CUX2: variants seen among roughly 807,000 people sequenced by gnomAD.
CUX2 encodes cut like homeobox 2.
A neutral mutation model predicts 144.8 loss-of-function variants in CUX2; 40 were observed. The ratio of observed to expected loss-of-function variants is 0.28; its 90% CI spans 0.21 to 0.36. The LOEUF (loss-of-function observed/expected upper bound fraction) is 0.36, where lower values mean the gene tolerates loss of function less well. Ranked by LOEUF, CUX2 falls within the 10% of genes least tolerant of loss-of-function variation. The probability of loss-of-function intolerance (pLI) is 1.00; values close to 1 mark genes in which losing one functional copy is unlikely to be tolerated. For missense variants in CUX2, 1,615 were observed against 1,994.0 expected, an observed-to-expected ratio of 0.81 and a Z score of 3.62; for synonymous variants, 827 against 875.6, an observed-to-expected ratio of 0.94 and a Z score of 0.98.
intron 1 of CUX2, among the ~76,000 whole-genome samples, chr12:111,087,475 A>G (rs1566209910): frequency 6.6e-6 from 1 of 152,134 alleles, no homozygotes. Flanking sequence ...ATCTTGATGC[A>G]ATGCATGTTT....
At chr12:111,210,208 A>T (rs1881139222) in intron 1 of CUX2, among the ~76,000 whole-genome samples, 1 of 152,210 alleles carries the variant, frequency 6.6e-6, no homozygotes, top group African/African-American at 2.4e-5. Flanking sequence ...ATTCCTTCAA[A>T]ATAGATATAG....
intron 1 of CUX2, among the ~76,000 whole-genome samples, chr12:111,159,397 G>GC (rs1877610789): frequency 6.6e-6 from 1 of 150,954 alleles, no homozygotes; most frequent in Non-Finnish European, 1.5e-5. Context: ...CAATGCTCCT[G>GC]CCTTGGCCTC....
intron 1 of CUX2, among the ~76,000 whole-genome samples, chr12:111,106,822 A>G (rs1182644093): frequency 6.6e-6 from 1 of 152,224 alleles, no homozygotes; most frequent in Non-Finnish European, 1.5e-5. Flanking sequence ...CTCTGGTGAG[A>G]TGGAAGAACA....
chr12:111,272,221 T>A (rs755084490), intron 4 of CUX2, among the ~76,000 whole-genome samples: 29 of 152,138 alleles, frequency 1.9e-4, no homozygotes, highest in Non-Finnish European at 3.1e-4. Context: ...TTCAGTGCCA[T>A]CTAGTGGATA....
rs745999269 is a variant in CUX2 at position 111,304,442 on chromosome 12, T to C, written c.858+128T>C. The stretch of plus-strand genomic sequence containing the variant: ...GTGTGCATCCATTTGAAACTGGGAG[T>C]GTGAATGTGTGTGGGTCTCTGTGCA... On this transcript the variant is annotated intron_variant, in intron 10 of 21. Coordinates refer to ENST00000261726, the MANE Select transcript of CUX2 (RefSeq NM_015267.4). The surrounding 1 kb of genome is among the most constrained non-coding windows in gnomAD (Gnocchi z 4.7). 1 of 703,036 alleles carries C rather than the reference T, an allele frequency of 1.4e-6. No individual in the cohort carries two copies. The highest frequency in any genetic ancestry group is 2.7e-5 in the East Asian group (1 of 36,688). The allele number at this position is 703,036 out of a possible 1,614,324, so 43.5% of individuals were successfully genotyped here. A position where few individuals can be genotyped will look rare whatever the true frequency, so the allele number is the denominator to read the frequency against.
intron 1 of CUX2, among the ~76,000 whole-genome samples, chr12:111,155,976 G>A (rs537869118): frequency 9.2e-5 from 14 of 151,924 alleles, no homozygotes; most frequent in South Asian, 4.2e-4. Context: ...AAGCAAACCC[G>A]CTCACAAGCC....
rs60337497 is a variant in CUX2 at position 111,233,283 on chromosome 12, T to C, written c.222+15346T>C. On this transcript the variant is annotated intron_variant, in intron 3 of 21. Coordinates refer to ENST00000261726, the MANE Select transcript of CUX2 (RefSeq NM_015267.4). ...GGTGTCTCTGGCTCGCTGGCCACCATTGCCTCCCTACCCTTGCAGACCGCC... is the reference window on the plus strand; with the variant it reads ...GGTGTCTCTGGCTCGCTGGCCACCACTGCCTCCCTACCCTTGCAGACCGCC... Among the ~76,000 whole-genome samples, 1,430 of 152,176 alleles carry C rather than the reference T, an allele frequency of 9.4e-3. 23 individuals carry two copies. The highest frequency in any genetic ancestry group is 0.032 in the African/African-American group (1,342 of 41,528).
intron 1 of CUX2, among the ~76,000 whole-genome samples, chr12:111,212,677 C>T (rs1881297846): frequency 6.6e-6 from 1 of 152,240 alleles, no homozygotes; most frequent in Non-Finnish European, 1.5e-5. Context: ...TTTGGTGCCT[C>T]TACCTTCTCC....
At chr12:111,296,871 C>T (rs1161103457) in intron 8 of CUX2, among the ~76,000 whole-genome samples, 3 of 106,344 alleles carry the variant, frequency 2.8e-5, no homozygotes, top group Non-Finnish European at 3.9e-5. Context: ...ATCCCAGACA[C>T]GCCTCCACCC....
intron 4 of CUX2, among the ~76,000 whole-genome samples, chr12:111,278,113 T>C (rs1884965216): frequency 6.6e-6 from 1 of 152,174 alleles, no homozygotes; most frequent in Non-Finnish European, 1.5e-5. Flanking sequence ...CAGTCCCTGT[T>C]CCATGTAACA....
At chr12:111,095,314 C>T (rs984261588) in intron 1 of CUX2, among the ~76,000 whole-genome samples, 5 of 152,194 alleles carry the variant, frequency 3.3e-5, no homozygotes, top group Non-Finnish European at 7.4e-5. Flanking sequence ...CAAAAATTAG[C>T]CAGGTGAGGT....
intron 3 of CUX2, among the ~76,000 whole-genome samples, chr12:111,232,875 C>T (rs902097603): frequency 1.3e-5 from 2 of 152,172 alleles, no homozygotes; most frequent in Admixed American, 6.5e-5. Flanking sequence ...AAGACAAAGA[C>T]GAGTCCCTCA....
At chr12:111,314,949 G>A (rs1390722769) in intron 16 of CUX2, among the ~76,000 whole-genome samples, 1 of 152,160 alleles carries the variant, frequency 6.6e-6, no homozygotes. Flanking sequence ...CAGAGACAGA[G>A]GGAAACCCCA....
intron 4 of CUX2, among the ~76,000 whole-genome samples, chr12:111,281,258 G>A (rs1885103251): frequency 6.6e-6 from 1 of 151,844 alleles, no homozygotes; most frequent in Non-Finnish European, 1.5e-5. Flanking sequence ...CTGGTGTCTT[G>A]TCCTCAGATG....
intron 1 of CUX2, among the ~76,000 whole-genome samples, chr12:111,042,231 T>C (rs1490029873): frequency 6.6e-6 from 1 of 152,246 alleles, no homozygotes; most frequent in Middle Eastern, 3.4e-3. Flanking sequence ...TTATGGTCGA[T>C]TGACTTGCCC....
At chr12:111,330,690 T>TAC (rs1177996902) in intron 18 of CUX2, among the ~76,000 whole-genome samples, 5,072 of 9,878 alleles carry the variant, frequency 0.51, 720 homozygotes, top group East Asian at 0.67. Flanking sequence ...CATATACATA[T>TAC]ATATATATAT....
chr12:111,086,190 A>G (rs1017892116), intron 1 of CUX2, among the ~76,000 whole-genome samples: 9 of 152,206 alleles, frequency 5.9e-5, no homozygotes, highest in African/African-American at 2.2e-4. Context: ...TGCTAAAGAC[A>G]TTGGCCACTT....
At chr12:111,285,773 G>T (rs922698013) in intron 4 of CUX2, among the ~76,000 whole-genome samples, 14 of 152,316 alleles carry the variant, frequency 9.2e-5, no homozygotes, top group African/African-American at 3.4e-4. Context: ...ATTCTAATCC[G>T]TGGAAAGGGC....
At chr12:111,084,116 G>C (rs865949697) in intron 1 of CUX2, among the ~76,000 whole-genome samples, 16 of 152,206 alleles carry the variant, frequency 1.1e-4, no homozygotes, top group African/African-American at 3.4e-4. Flanking sequence ...TCAGAGACCA[G>C]AGGCAGATAG....
Sources: allele counts gnomAD v4.1 joint callset (sites outside exome capture counted in the v4.1 genomes callset), GRCh38; gene constraint gnomAD v4.1.1; non-coding constraint Gnocchi (gnomAD v3.1); transcripts MANE v1.5; gene names NCBI Gene and HGNC (gene_info 2026-07-23, HGNC 2026-07-21).